The following SGSM1 variants were observed in gnomAD, a reference collection of about 807,000 sequenced individuals.
The protein encoded by SGSM1 is RUN and TBC1 domain containing 2.
Under a neutral mutation model 133.8 loss-of-function variants are expected in SGSM1, and 73 were observed. That is an observed-to-expected ratio of 0.55 (90% CI 0.45 to 0.66). The LOEUF (loss-of-function observed/expected upper bound fraction) is 0.66. Ranked by LOEUF, SGSM1 falls within the 30% of genes least tolerant of loss-of-function variation. The pLI is 0.00. For synonymous variants in SGSM1, 563 were observed against 573.0 expected (o/e 0.98, Z 0.25); for missense variants, 1,213 against 1,448.1 (o/e 0.84, Z 2.64).
rs116148459 is a variant in SGSM1 at position 24,862,816 on chromosome 22, C to T, written c.926+2976C>T. On this transcript the variant is annotated intron_variant, in intron 9 of 24. Transcript: ENST00000400358. ...TTGCTGGGTGACCTGGGGTATGTCA[C>T]TCCACCTCAATGAGCCTCAGGGTTC... Among the ~76,000 whole-genome samples, 1,505 of 152,298 alleles carry T rather than the reference C, an allele frequency of 9.9e-3. 14 individuals carry two copies. The highest frequency in any genetic ancestry group is 0.034 in the African/African-American group (1,419 of 41,566).
intron 2 of SGSM1, 92 bp downstream of exon 2, chr22:24,806,576 G>C: frequency 7.1e-7 from 1 of 1,414,920 alleles, no homozygotes; most frequent in Non-Finnish European, 9.3e-7. Flanking sequence ...GCCTCTGGCG[G>C]CGGGGGGGCG....
intron 2 of SGSM1, 27 bp downstream of exon 2, chr22:24,806,511 C>A: frequency 6.7e-7 from 1 of 1,492,428 alleles, no homozygotes; most frequent in Non-Finnish European, 8.9e-7. Flanking sequence ...GGGCACTGGG[C>A]AGGACTCCCC....
intron 2 of SGSM1, among the ~76,000 whole-genome samples, chr22:24,829,736 T>A (rs12483815): frequency 0.13 from 19,127 of 152,112 alleles, 1,375 homozygotes; most frequent in East Asian, 0.21. Context: ...AATGGAATGA[T>A]TTGGGGACTC....
rs558875088 is a variant in SGSM1, at chr22:24,897,146, G to A, written c.2023-826G>A. On this transcript the variant is annotated intron_variant, in intron 18 of 24. Transcript: ENST00000400358. ...TGTAATCACAGCACTCTGGGAGGCCGAGGTGGGCAGATCACCTGAGGTCAG... is the reference window on the plus strand; with the variant it reads ...TGTAATCACAGCACTCTGGGAGGCCAAGGTGGGCAGATCACCTGAGGTCAG... Among the ~76,000 whole-genome samples, 21 of 152,136 alleles carry A rather than the reference G, an allele frequency of 1.4e-4. No individual in the cohort carries two copies. The East Asian group carries it at 3.1e-3, about 23-fold the overall frequency.
chr22:24,896,819 A>G (rs1314807229), intron 18 of SGSM1, among the ~76,000 whole-genome samples: 2 of 151,502 alleles, frequency 1.3e-5, no homozygotes, highest in Non-Finnish European at 2.9e-5. Context: ...TCTACTAAAA[A>G]TACAAAAACT....
At chr22:24,896,214 G>T (rs918309493) in intron 18 of SGSM1, among the ~76,000 whole-genome samples, 3 of 152,046 alleles carry the variant, frequency 2.0e-5, no homozygotes, top group Admixed American at 6.6e-5. Flanking sequence ...AGAGGAGGGG[G>T]CAGAGACAGA....
Position 24,917,645 on chromosome 22 carries a change from C to A in SGSM1, c.2929-13C>A. 1 of 1,608,910 alleles carries A rather than the reference C, an allele frequency of 6.2e-7. No individual in the cohort carries two copies. ...TTCCCAGGAGGCTGATGCTGCCTTT[C>A]CTTCCTTGACAGATCCTGGACTCAG... is the stretch of plus-strand genomic sequence containing the variant. On this transcript the variant is annotated splice_polypyrimidine_tract_variant and intron_variant, in intron 22 of 24. Transcript: ENST00000400358.
intron 14 of SGSM1, among the ~76,000 whole-genome samples, chr22:24,883,142 G>T (rs1037932421): frequency 6.6e-6 from 1 of 151,596 alleles, no homozygotes; most frequent in African/African-American, 2.4e-5. Flanking sequence ...CTGACCTCGT[G>T]ATCCGCCCGC....
At chr22:24,893,345 C>A (rs535830186) in intron 16 of SGSM1, 86 bp from the exon 17 acceptor site, 187 of 1,409,712 alleles carry the variant, frequency 1.3e-4, no homozygotes, top group Non-Finnish European at 1.8e-4. Flanking sequence ...TTGGATGGAT[C>A]AGAGCCACTC....
intron 12 of SGSM1, among the ~76,000 whole-genome samples, chr22:24,870,023 C>T (rs1950580698): frequency 2.0e-5 from 3 of 152,204 alleles, no homozygotes; most frequent in Non-Finnish European, 2.9e-5. Context: ...TGTTCCCATC[C>T]GAGGATAATG....
intron 2 of SGSM1, among the ~76,000 whole-genome samples, chr22:24,807,523 A>G (rs1286086291): frequency 6.6e-6 from 1 of 151,686 alleles, no homozygotes; most frequent in African/African-American, 2.4e-5. Context: ...GTCTGCATGA[A>G]TAACTAGGGC....
At position 24,893,613 on chromosome 22, in the gene SGSM1, G is replaced by A; in HGVS notation, c.1953G>A (p.Glu651=). 6.4e-7 allele frequency: 1 copy of A among 1,557,704 alleles called. No homozygotes were observed. The highest frequency in any genetic ancestry group is 8.7e-7 in the Non-Finnish European group (1 of 1,152,188). The change falls in exon 17 of 25, where the codon GAG becomes GAA. Residue 651 remains glutamate, a splice_region_variant and synonymous_variant. Coordinates refer to ENST00000400358, the MANE Select transcript of SGSM1 (RefSeq NM_001098497.3). ...MLHRDSTISN[E]SSQSCSSGRQ... ...ACAGGGACTCAACCATCAGCAATGAGGTGATGGGCGGCTGGCCTCGGGGAG... is the reference window on the plus strand; with the variant it reads ...ACAGGGACTCAACCATCAGCAATGAAGTGATGGGCGGCTGGCCTCGGGGAG...
At chr22:24,848,064 T>C (rs1930255552) in intron 4 of SGSM1, among the ~76,000 whole-genome samples, 1 of 152,122 alleles carries the variant, frequency 6.6e-6, no homozygotes, top group Admixed American at 6.6e-5. Flanking sequence ...CCATCTTCTC[T>C]TCCATATCAC....
chr22:24,822,802 G>A (rs189713286), intron 2 of SGSM1, among the ~76,000 whole-genome samples: 39 of 152,356 alleles, frequency 2.6e-4, no homozygotes, highest in African/African-American at 9.1e-4. Flanking sequence ...TGGGGCTCCA[G>A]AGCAAGAGAC....
chr22:24,806,363 C>CGAGGGCGGCGG lies in SGSM1; in HGVS notation c.19+26_19+36dup, dbSNP rs1569126453. 2.0e-6 allele frequency: 3 copies of CGAGGGCGGCGG among 1,499,662 alleles called. No homozygotes were observed. Among genetic ancestry groups the CGAGGGCGGCGG allele is most frequent in the Admixed American group, 2.3e-5 (1 of 44,136 alleles). 92.9% of individuals were successfully genotyped at this position (1,499,662 alleles called of 1,614,324 possible). A position where few individuals can be genotyped will look rare whatever the true frequency, so the allele number is the denominator to read the frequency against. On this transcript the variant is annotated intron_variant, in intron 1 of 24. Coordinates refer to ENST00000400358, the MANE Select transcript of SGSM1 (RefSeq NM_001098497.3). ...CCCGCGGGTAAGAGGCCGCTGGACA[C>CGAGGGCGGCGG]GAGGGCGGCGGGAGGGCAGCGCCCG...
intron 2 of SGSM1, among the ~76,000 whole-genome samples, chr22:24,809,670 T>C (rs1015948433): frequency 3.3e-5 from 5 of 152,186 alleles, no homozygotes; most frequent in African/African-American, 1.2e-4. Flanking sequence ...TGTCAGACCC[T>C]GGGCTAGGTT....
At chr22:24,868,182 A>T (rs931882768) in intron 10 of SGSM1, among the ~76,000 whole-genome samples, 194 bp from the exon 11 acceptor site, 1 of 151,970 alleles carries the variant, frequency 6.6e-6, no homozygotes, top group African/African-American at 2.4e-5. Context: ...TCAGAGGTGG[A>T]TGGTGGATGA....
rs1236826638 is a variant in SGSM1, at chr22:24,917,793, T to G, written c.3025+39T>G. ...ATTGGGGACCTGTGTCCAGACTCTT[T>G]GTAGCAGAACTTTCAGGGGAAAAGA... On this transcript the variant is annotated intron_variant, in intron 23 of 24. Transcript: ENST00000400358. 5.1e-6 allele frequency: 8 copies of G among 1,557,190 alleles called. No individual in the cohort carries two copies. In the East Asian group the frequency reaches 1.8e-4, roughly 35 times the overall value.
chr22:24,845,889 C>CCTCTG (rs749496844), intron 3 of SGSM1, among the ~76,000 whole-genome samples: 14 of 151,972 alleles, frequency 9.2e-5, no homozygotes, highest in Non-Finnish European at 2.1e-4. Flanking sequence ...CCTGGATCCA[C>CCTCTG]CTCTGCTGCT....
Sources: gnomAD v4.1 joint callset for allele counts (sites outside exome capture counted in the v4.1 genomes callset) on GRCh38, gnomAD v4.1.1 for gene constraint, MANE v1.5 for transcripts, NCBI Gene and HGNC (gene_info 2026-07-23, HGNC 2026-07-21) for gene names.